Variants in VEPH1 observed in about 807,000 individuals in gnomAD.
The protein encoded by VEPH1 is ventricular zone-expressed PH domain-containing protein homolog 1.
VEPH1 carries 80 observed loss-of-function variants against 85.2 expected under a neutral mutation model. That is an observed-to-expected ratio of 0.94 (90% CI 0.78 to 1.13). VEPH1 has a LOEUF of 1.13. Among genes scored for constraint, VEPH1 ranks in the 50% most tolerant of loss-of-function variants. The pLI is 0.00. For missense variants in VEPH1, 955 were observed against 980.5 expected, an observed-to-expected ratio of 0.97 and a Z score of 0.35; for synonymous variants, 297 against 348.0, an observed-to-expected ratio of 0.85 and a Z score of 1.63.
At position 157,261,088 on chromosome 3, in the gene VEPH1, A is replaced by T. The variant is rs1296582377; in HGVS notation, c.*46T>A. On this transcript the variant is annotated 3_prime_UTR_variant, in exon 14 of 14. Transcript: ENST00000362010. ...CTTTTTCTTGACATTGGCAATGATAATACAATGCCTGTGGTGTATAATTGT... is the reference window on the plus strand; with the variant it reads ...CTTTTTCTTGACATTGGCAATGATATTACAATGCCTGTGGTGTATAATTGT... 1 of 1,602,348 alleles carries T rather than the reference A, an allele frequency of 6.2e-7. No homozygotes were observed.
intron 7 of VEPH1, among the ~76,000 whole-genome samples, chr3:157,369,179 T>TCAAAA (rs1560000948): frequency 6.6e-5 from 1 of 15,054 alleles, no homozygotes. Context: ...AAAAACCAAA[T>TCAAAA]GAAAAAAAAA....
At chr3:157,471,719 T>C (rs888987523) in intron 2 of VEPH1, among the ~76,000 whole-genome samples, 22 of 152,204 alleles carry the variant, frequency 1.4e-4, no homozygotes, top group Non-Finnish European at 2.5e-4. Flanking sequence ...CTCATCTTTT[T>C]TTTTTTTAAT....
intron 9 of VEPH1, among the ~76,000 whole-genome samples, chr3:157,357,495 C>CT (rs147031944): frequency 0.01 from 1,488 of 143,904 alleles, 10 homozygotes; most frequent in African/African-American, 0.015. Context: ...TTGTAAGAAA[C>CT]TTTTTTTTTT....
intron 2 of VEPH1, among the ~76,000 whole-genome samples, chr3:157,477,421 T>C (rs565910957): frequency 4.9e-4 from 74 of 152,212 alleles, no homozygotes; most frequent in African/African-American, 1.7e-3. Flanking sequence ...TTATATTATA[T>C]CTGAAAAGGT....
intron 4 of VEPH1, among the ~76,000 whole-genome samples, chr3:157,452,659 C>T (rs1735066740): frequency 7.2e-6 from 1 of 138,562 alleles, no homozygotes; most frequent in Non-Finnish European, 1.5e-5. Flanking sequence ...ATTGTCTAAA[C>T]ATCTATATGT....
At chr3:157,444,225 T>C (rs1560067641) in intron 4 of VEPH1, among the ~76,000 whole-genome samples, 1 of 152,162 alleles carries the variant, frequency 6.6e-6, no homozygotes, top group Admixed American at 6.5e-5. Flanking sequence ...CTCTGAAAGA[T>C]AGGGCATGGA....
chr3:157,279,687 T>A (rs1715832722), intron 12 of VEPH1, among the ~76,000 whole-genome samples: 1 of 152,052 alleles, frequency 6.6e-6, no homozygotes, highest in South Asian at 2.1e-4. Flanking sequence ...AATATGACCA[T>A]CCTTTGATGA....
intron 6 of VEPH1, among the ~76,000 whole-genome samples, chr3:157,407,353 T>G (rs546463257): frequency 7.2e-5 from 11 of 152,290 alleles, no homozygotes; most frequent in African/African-American, 2.4e-4. Flanking sequence ...GTACTTCCAG[T>G]GGCCCAAGAA....
intron 4 of VEPH1, chr3:157,442,462 G>A (rs1266855050): frequency 3.1e-6 from 5 of 1,614,186 alleles, no homozygotes; most frequent in Admixed American, 1.7e-5. Context: ...TTTAGTGCCT[G>A]CATTTGGGTC....
intron 2 of VEPH1, among the ~76,000 whole-genome samples, chr3:157,487,840 ATAAAAT>A (rs1738793534): frequency 6.6e-6 from 1 of 152,196 alleles, no homozygotes; most frequent in Non-Finnish European, 1.5e-5. Context: ...AAATCAGTTG[ATAAAAT>A]TAAACAATTC....
intron 11 of VEPH1, among the ~76,000 whole-genome samples, chr3:157,293,367 C>T (rs1287096279): frequency 6.6e-6 from 1 of 152,142 alleles, no homozygotes; most frequent in Non-Finnish European, 1.5e-5. Flanking sequence ...CTATATGAGG[C>T]CAATGTGGCA....
At chr3:157,349,258 A>G (rs1409109140) in intron 9 of VEPH1, among the ~76,000 whole-genome samples, 1 of 152,274 alleles carries the variant, frequency 6.6e-6, no homozygotes, top group Non-Finnish European at 1.5e-5. Context: ...CATAAATTAT[A>G]TCAATAGAAT....
At chr3:157,273,989 C>T (rs557154720) in intron 12 of VEPH1, among the ~76,000 whole-genome samples, 4 of 152,228 alleles carry the variant, frequency 2.6e-5, no homozygotes, top group African/African-American at 9.6e-5. Flanking sequence ...CTTTGGAGGC[C>T]GACCTCAGTT....
intron 6 of VEPH1, among the ~76,000 whole-genome samples, chr3:157,388,497 A>C (rs947419269): frequency 2.6e-5 from 4 of 152,152 alleles, no homozygotes; most frequent in Non-Finnish European, 5.9e-5. Context: ...AATCATGGGC[A>C]AATCAGGACA....
At chr3:157,279,000 T>C (rs1271329775) in intron 12 of VEPH1, among the ~76,000 whole-genome samples, 3 of 152,130 alleles carry the variant, frequency 2.0e-5, no homozygotes, top group African/African-American at 7.2e-5. Flanking sequence ...CTGGGCAACA[T>C]AGCAAGATCC....
At chr3:157,380,931 C>A (rs1728687824) in intron 7 of VEPH1, among the ~76,000 whole-genome samples, 1 of 152,140 alleles carries the variant, frequency 6.6e-6, no homozygotes, top group Admixed American at 6.5e-5. Context: ...TGTTCTAATT[C>A]TTTTACCATA....
chr3:157,336,895 C>G (rs983259873), intron 9 of VEPH1, among the ~76,000 whole-genome samples: 2 of 152,160 alleles, frequency 1.3e-5, no homozygotes, highest in African/African-American at 4.8e-5. Flanking sequence ...TCAACAGAGA[C>G]CACACAAACT....
At position 157,447,613 on chromosome 3, in the gene VEPH1, G is replaced by A. The variant is rs556525064; in HGVS notation, c.529+12568C>T. Among the ~76,000 whole-genome samples the A allele has an allele frequency of 4.0e-4, 30 of 74,682 alleles. 1 individual carries two copies. The highest frequency in any genetic ancestry group is 1.4e-3 in the African/African-American group (28 of 19,448). 49.0% of individuals were successfully genotyped at this position (74,682 alleles called of 152,430 possible). On this transcript the variant is annotated intron_variant, in intron 4 of 13. Coordinates refer to ENST00000362010, the MANE Select transcript of VEPH1 (RefSeq NM_001167912.2). ...TCCAATCTTTTTTTTTTTTTTTTTT[G>A]AAATGGAGTCTCACTCTGTCTCCCA... is the stretch of plus-strand genomic sequence containing the variant.
chr3:157,491,003 C>T (rs1472575415), intron 2 of VEPH1, among the ~76,000 whole-genome samples: 1 of 152,024 alleles, frequency 6.6e-6, no homozygotes, highest in African/African-American at 2.4e-5. Context: ...TAATTTGAGC[C>T]CTATGACAAC....
Sources: allele counts gnomAD v4.1 joint callset (sites outside exome capture counted in the v4.1 genomes callset), GRCh38; gene constraint gnomAD v4.1.1; transcripts MANE v1.5; gene names NCBI Gene and HGNC (gene_info 2026-07-23, HGNC 2026-07-21).